Variants in BLTP1 observed in about 807,000 individuals in gnomAD.
BLTP1 encodes bridge-like lipid transfer protein family member 1, also known as fragile site-associated protein.
the BLTP1 span, chr4:122,244,959 A>G: frequency 1.9e-6 from 3 of 1,571,590 alleles, no homozygotes; most frequent in East Asian, 2.3e-5. Flanking sequence ...ATATGTTTAC[A>G]TAAACTAAGT....
At chr4:122,167,142 G>C in the BLTP1 span, among the ~76,000 whole-genome samples, 2 of 152,112 alleles carry the variant, frequency 1.3e-5, no homozygotes, top group Admixed American at 6.5e-5. Flanking sequence ...ACCTGTTAGT[G>C]AACATATGCC....
chr4:122,300,762 A>T, the BLTP1 span: 1 of 303,694 alleles, frequency 3.3e-6, no homozygotes, highest in Non-Finnish European at 4.8e-6. Flanking sequence ...GATGATGATC[A>T]ACTCAACATA....
the BLTP1 span, chr4:122,244,658 C>T: frequency 1.0e-6 from 1 of 981,524 alleles, no homozygotes; most frequent in Non-Finnish European, 1.2e-6. Context: ...AACGAGCTTT[C>T]ATGAAAATCT....
chr4:122,271,373 C>T, the BLTP1 span: 5 of 1,613,828 alleles, frequency 3.1e-6, no homozygotes, highest in Non-Finnish European at 4.2e-6. Context: ...TCGGGACTTT[C>T]GTTCATCTGA....
the BLTP1 span, chr4:122,207,130 A>G: frequency 5.6e-6 from 9 of 1,603,298 alleles, no homozygotes; most frequent in Admixed American, 3.4e-5. Flanking sequence ...AGACTGGTCT[A>G]GTGACAGTCC....
the BLTP1 span, chr4:122,179,744 A>G: frequency 1.5e-6 from 1 of 664,798 alleles, no homozygotes; most frequent in South Asian, 6.7e-5. Flanking sequence ...GTACAGAGAA[A>G]CATTTTCAAA....
At chr4:122,200,181 T>C in the BLTP1 span, 10 of 921,460 alleles carry the variant, frequency 1.1e-5, no homozygotes, top group Non-Finnish European at 1.3e-5. Flanking sequence ...AAATATACCT[T>C]AAAGTGGCAT....
chr4:122,174,304 T>A, the BLTP1 span: 3 of 984,920 alleles, frequency 3.0e-6, no homozygotes, highest in Admixed American at 1.8e-4. Context: ...AGTGCATAAT[T>A]AAGGGAATTA....
chr4:122,262,148 T>TGTGTGTGTGTGTGTGTG, the BLTP1 span, among the ~76,000 whole-genome samples: 1 of 133,430 alleles, frequency 7.5e-6, no homozygotes, highest in Non-Finnish European at 1.6e-5. Flanking sequence ...TACAGATCCT[T>TGTGTGTGTGTGTGTGTG]TGTGTGTGTG....
At chr4:122,243,419 T>C in the BLTP1 span, 41 of 984,912 alleles carry the variant, frequency 4.2e-5, no homozygotes, top group African/African-American at 5.4e-4. Context: ...CTTTTTGGCC[T>C]GTCTTTGGAA....
chr4:122,272,330 GAT>G, the BLTP1 span: 1 of 1,613,030 alleles, frequency 6.2e-7, no homozygotes. Context: ...CCTAGAGGCA[GAT>G]ATTGGTGGAC....
the BLTP1 span, chr4:122,318,077 G>T: frequency 6.8e-7 from 1 of 1,472,024 alleles, no homozygotes; most frequent in Non-Finnish European, 9.1e-7. Context: ...GAATTAAAAA[G>T]GAGCAAGTAA....
chr4:122,219,295 A>G, the BLTP1 span: 1 of 1,594,684 alleles, frequency 6.3e-7, no homozygotes, highest in East Asian at 2.2e-5. Flanking sequence ...AAATATATTT[A>G]CATACCTCTT....
the BLTP1 span, among the ~76,000 whole-genome samples, chr4:122,358,790 GA>G: frequency 5.3e-5 from 8 of 152,138 alleles, no homozygotes; most frequent in Middle Eastern, 6.8e-3. Context: ...GCCCTAAGAG[GA>G]AAGCTGTATT....
chr4:122,200,543 C>T, the BLTP1 span: 2 of 956,760 alleles, frequency 2.1e-6, no homozygotes, highest in African/African-American at 1.9e-5. Context: ...TGTGTCACTG[C>T]ACTCCAGCTT....
At chr4:122,337,146 T>A in the BLTP1 span, 1 of 817,538 alleles carries the variant, frequency 1.2e-6, no homozygotes, top group Non-Finnish European at 2.0e-6. Flanking sequence ...CTTTAGTATG[T>A]TTGTGATGGC....
the BLTP1 span, among the ~76,000 whole-genome samples, chr4:122,158,514 T>A: frequency 6.6e-6 from 1 of 152,206 alleles, no homozygotes; most frequent in Admixed American, 6.5e-5. Flanking sequence ...ACTCCTGTAA[T>A]CCTAGCACTT....
At chr4:122,222,270 G>C in the BLTP1 span, among the ~76,000 whole-genome samples, 6 of 152,008 alleles carry the variant, frequency 3.9e-5, no homozygotes. Context: ...CAGTGAGAGG[G>C]TTCACACTGT....
chr4:122,192,343 C>CA, the BLTP1 span: 1 of 1,613,254 alleles, frequency 6.2e-7, no homozygotes, highest in Non-Finnish European at 8.5e-7. Flanking sequence ...GGTAAAGGAA[C>CA]AGATTTTAAT....
Sources: gnomAD v4.1 joint callset for allele counts (sites outside exome capture counted in the v4.1 genomes callset) on GRCh38, gnomAD v4.1.1 for gene constraint, MANE v1.5 for transcripts, NCBI Gene and HGNC (gene_info 2026-07-23, HGNC 2026-07-21) for gene names.